Variants in CSMD3 observed in about 807,000 individuals in gnomAD.
CSMD3 encodes CUB and Sushi multiple domains 3.
A neutral mutation model predicts 435.2 loss-of-function variants in CSMD3; 177 were observed. The ratio of observed to expected loss-of-function variants is 0.41; its 90% CI spans 0.36 to 0.46. CSMD3 has a LOEUF of 0.46. Ranked by LOEUF, CSMD3 falls within the 20% of genes least tolerant of loss-of-function variation. The pLI is 0.34. For synonymous variants in CSMD3, 1,656 were observed against 1,520.5 expected (o/e 1.09, Z -2.07); for missense variants, 4,265 against 4,504.6 (o/e 0.95, Z 1.52).
intron 59 of CSMD3, among the ~76,000 whole-genome samples, chr8:112,275,510 G>A (rs550856964): frequency 7.7e-4 from 117 of 152,164 alleles, no homozygotes; most frequent in African/African-American, 2.7e-3. Flanking sequence ...TTGCACCATT[G>A]CACTCCAGCC....
intron 2 of CSMD3, among the ~76,000 whole-genome samples, chr8:113,306,034 A>G: frequency 6.6e-6 from 1 of 152,210 alleles, no homozygotes; most frequent in East Asian, 1.9e-4. Flanking sequence ...GACTGAGGTC[A>G]TAGTTGAACC....
chr8:112,834,764 A>T (rs79590044), intron 11 of CSMD3, among the ~76,000 whole-genome samples: 154 of 151,960 alleles, frequency 1.0e-3, no homozygotes, highest in African/African-American at 3.6e-3. Context: ...TTTATTTGGT[A>T]GTAGGGCTGA....
At chr8:112,840,646 T>TAA (rs2080153001) in intron 11 of CSMD3, among the ~76,000 whole-genome samples, 2 of 151,754 alleles carry the variant, frequency 1.3e-5, no homozygotes, top group South Asian at 4.1e-4. Context: ...AATATCTGTA[T>TAA]TTCACTGCAA....
At chr8:112,865,757 T>G (rs191032725) in intron 10 of CSMD3, among the ~76,000 whole-genome samples, 9 of 150,716 alleles carry the variant, frequency 6.0e-5, no homozygotes, top group South Asian at 2.1e-4. Context: ...GTTTTCCTCA[T>G]TAGAATGTCA....
intron 40 of CSMD3, among the ~76,000 whole-genome samples, chr8:112,350,343 T>G (rs912046233): frequency 6.6e-6 from 1 of 151,352 alleles, no homozygotes; most frequent in East Asian, 1.9e-4. Flanking sequence ...TTCCTCCATG[T>G]GTCTTAATTA....
At chr8:112,896,026 A>G (rs892776790) in intron 10 of CSMD3, among the ~76,000 whole-genome samples, 1 of 151,490 alleles carries the variant, frequency 6.6e-6, no homozygotes, top group African/African-American at 2.4e-5. Flanking sequence ...ACATGTCCAC[A>G]TATTCTTTGA....
intron 58 of CSMD3, among the ~76,000 whole-genome samples, chr8:112,284,136 C>A (rs568890663): frequency 6.5e-4 from 98 of 151,926 alleles, no homozygotes; most frequent in African/African-American, 2.2e-3. Context: ...TAGCATAAAA[C>A]TTTGCTTGTG....
In CSMD3 at chr8:112,884,457, A is replaced by G. The variant is rs142643462; in HGVS notation, c.1634-25191T>C. On this transcript the variant is annotated intron_variant, in intron 10 of 70. Transcript: ENST00000297405. ...GGCCTCCACACTACTGACATTTTGG[A>G]TTAGATAATTGTTTTGTTATAGAGG... Among the ~76,000 whole-genome samples, 513 of 151,514 alleles carry G rather than the reference A, an allele frequency of 3.4e-3. 4 individuals carry two copies. The highest frequency in any genetic ancestry group is 0.011 in the African/African-American group (443 of 41,328).
At chr8:112,404,601 T>C (rs1262094005) in intron 35 of CSMD3, among the ~76,000 whole-genome samples, 3 of 152,128 alleles carry the variant, frequency 2.0e-5, no homozygotes, top group Admixed American at 6.6e-5. Flanking sequence ...TAGAAATGAA[T>C]GTACCTTCTA....
rs114398863 is a variant in CSMD3, at chr8:113,049,225, C to G, written c.918-30046G>C. 4.8e-3 allele frequency among the ~76,000 whole-genome samples: 723 copies of G among 152,114 alleles called. 7 individuals are homozygous for G. The highest frequency in any genetic ancestry group is 0.016 in the African/African-American group (675 of 41,502). On this transcript the variant is annotated intron_variant, in intron 5 of 70. Coordinates refer to ENST00000297405, the MANE Select transcript of CSMD3 (RefSeq NM_198123.2). ...CTGCACTCCAGCCTAGGTGACAGAGCGAAAATCTGTCTCAAAAAGAGAGAG... is the reference window on the plus strand; with the variant it reads ...CTGCACTCCAGCCTAGGTGACAGAGGGAAAATCTGTCTCAAAAAGAGAGAG...
intron 23 of CSMD3, among the ~76,000 whole-genome samples, chr8:112,577,387 C>T (rs1830025951): frequency 6.6e-6 from 1 of 151,890 alleles, no homozygotes; most frequent in African/African-American, 2.4e-5. Flanking sequence ...ATAAACAGTA[C>T]AGAGTGATTA....
At chr8:112,474,637 C>A (rs1818861855) in intron 31 of CSMD3, among the ~76,000 whole-genome samples, 1 of 151,970 alleles carries the variant, frequency 6.6e-6, no homozygotes, top group African/African-American at 2.4e-5. Flanking sequence ...GAAGTTAATG[C>A]CTGATTTTCC....
intron 10 of CSMD3, among the ~76,000 whole-genome samples, chr8:112,921,195 A>T (rs2130625617): frequency 6.6e-6 from 1 of 152,106 alleles, no homozygotes; most frequent in East Asian, 1.9e-4. Flanking sequence ...TTTGTTCTAG[A>T]TTAAATTAAC....
At chr8:113,342,531 A>G (rs2094126797) in intron 1 of CSMD3, among the ~76,000 whole-genome samples, 2 of 152,164 alleles carry the variant, frequency 1.3e-5, no homozygotes, top group African/African-American at 2.4e-5. Context: ...AGTATTATTT[A>G]TTTAGTTAAA....
At chr8:112,611,484 C>G (rs752518759) in intron 22 of CSMD3, among the ~76,000 whole-genome samples, 1 of 152,062 alleles carries the variant, frequency 6.6e-6, no homozygotes, top group Non-Finnish European at 1.5e-5. Context: ...GTCCAACTTT[C>G]AATGGGTACT....
At chr8:112,502,671 G>T (rs1197321230) in intron 30 of CSMD3, among the ~76,000 whole-genome samples, 1 of 132,460 alleles carries the variant, frequency 7.5e-6, no homozygotes, top group Non-Finnish European at 1.6e-5. Flanking sequence ...TGTAATATTT[G>T]ATTTTTTAAA....
chr8:112,806,149 C>A (rs1368049834), intron 12 of CSMD3, among the ~76,000 whole-genome samples: 1 of 151,750 alleles, frequency 6.6e-6, no homozygotes, highest in Admixed American at 6.6e-5. Context: ...GGCCAAAACT[C>A]TAATGAAATA....
chr8:112,272,972 C>G (rs1817669053), intron 59 of CSMD3, among the ~76,000 whole-genome samples: 1 of 152,058 alleles, frequency 6.6e-6, no homozygotes, highest in Non-Finnish European at 1.5e-5. Context: ...AGTTTAATAG[C>G]AATTCATTGT....
chr8:113,026,928 A>G (rs1197706417), intron 5 of CSMD3, among the ~76,000 whole-genome samples: 2 of 152,132 alleles, frequency 1.3e-5, no homozygotes, highest in Non-Finnish European at 2.9e-5. Context: ...TCTATGTTCT[A>G]AATTATAAGA....
Sources: allele counts gnomAD v4.1 joint callset (sites outside exome capture counted in the v4.1 genomes callset), GRCh38; gene constraint gnomAD v4.1.1; transcripts MANE v1.5; gene names NCBI Gene and HGNC (gene_info 2026-07-23, HGNC 2026-07-21).